The following CCDC144A variants were observed in gnomAD, a reference collection of about 807,000 sequenced individuals.
CCDC144A encodes the protein coiled-coil domain-containing protein 144A.
CCDC144A carries 41 observed loss-of-function variants against 143.8 expected under a neutral mutation model. That is an observed-to-expected ratio of 0.29 (90% CI 0.22 to 0.37). The LOEUF is 0.37. CCDC144A is among the 10% of genes least tolerant of loss of function. The pLI, the probability that CCDC144A is intolerant of heterozygous loss-of-function variation, is 1.00. For missense variants in CCDC144A, 637 were observed against 1,488.8 expected (o/e 0.43, Z 9.41); for synonymous variants, 242 against 517.9 (o/e 0.47, Z 7.23).
chr17:16,689,820 G>C (rs900874561), upstream of CCDC144A: 2 of 152,348 alleles, frequency 1.3e-5, no homozygotes, highest in African/African-American at 2.4e-5. Flanking sequence ...CGTCCTGGCA[G>C]CGCGGACCCT....
rs1183718611 is a variant in CCDC144A at position 16,764,650 on chromosome 17, G to A, written c.4098+475G>A. ...TGTTTATTATTTAAAAGGACCCAAG[G>A]TGAATACTTTTATATGTTATATAAA... On this transcript the variant is annotated intron_variant, in intron 15 of 16. Coordinates refer to ENST00000399273, the MANE Select transcript of CCDC144A (RefSeq NM_001382000.1). 2.6e-5 allele frequency: 5 copies of A among 188,834 alleles called. No homozygotes were observed. In the South Asian group the frequency reaches 4.2e-4, roughly 16 times the overall value. 11.7% of individuals were successfully genotyped at this position (188,834 alleles called of 1,614,324 possible). A position where few individuals can be genotyped will look rare whatever the true frequency, so the allele number is the denominator to read the frequency against.
intron 2 of CCDC144A, among the ~76,000 whole-genome samples, chr17:16,697,392 C>G (rs1911478802): frequency 6.6e-6 from 1 of 152,138 alleles, no homozygotes; most frequent in Non-Finnish European, 1.5e-5. Context: ...ATTTACAAAA[C>G]TATAAGGCAG....
At chr17:16,679,951 G>GT in the CCDC144A span, among the ~76,000 whole-genome samples, 1 of 151,790 alleles carries the variant, frequency 6.6e-6, no homozygotes, top group Non-Finnish European at 1.5e-5. Flanking sequence ...TTTACCTTCT[G>GT]TTATAAAGAA....
chr17:16,747,129 A>G (rs1422943013), intron 12 of CCDC144A, among the ~76,000 whole-genome samples: 3 of 152,028 alleles, frequency 2.0e-5, no homozygotes, highest in Non-Finnish European at 4.4e-5. Flanking sequence ...GTGTATGGAT[A>G]ATCAGTCATC....
At chr17:16,741,135 C>A (rs1914237362) in intron 12 of CCDC144A, among the ~76,000 whole-genome samples, 1 of 151,826 alleles carries the variant, frequency 6.6e-6, no homozygotes, top group Non-Finnish European at 1.5e-5. Context: ...TTGTTGTCTC[C>A]TTGTTTAAAT....
At chr17:16,770,671 CTT>C (rs71269293) in intron 15 of CCDC144A, among the ~76,000 whole-genome samples, 3 of 151,160 alleles carry the variant, frequency 2.0e-5, no homozygotes, top group Non-Finnish European at 2.9e-5. Flanking sequence ...AAGTAAATCT[CTT>C]TTTTTTTTAA....
At chr17:16,711,999 G>T in intron 6 of CCDC144A, 184 bp downstream of exon 6, 1 of 859,388 alleles carries the variant, frequency 1.2e-6, no homozygotes, top group Non-Finnish European at 1.7e-6. Context: ...ATGTAGTGGT[G>T]CATGCCTGTA....
intron 6 of CCDC144A, among the ~76,000 whole-genome samples, chr17:16,718,188 T>C (rs1366743066): frequency 6.6e-6 from 1 of 152,222 alleles, no homozygotes; most frequent in Non-Finnish European, 1.5e-5. Flanking sequence ...GCAGTTTGAA[T>C]AAATAATTGC....
intron 2 of CCDC144A, among the ~76,000 whole-genome samples, chr17:16,704,892 T>A (rs2143095959): frequency 6.6e-6 from 1 of 152,226 alleles, no homozygotes; most frequent in African/African-American, 2.4e-5. Flanking sequence ...AAATATGTAT[T>A]AGAGACTCCT....
the CCDC144A span, among the ~76,000 whole-genome samples, chr17:16,676,050 C>T: frequency 6.6e-6 from 1 of 151,960 alleles, no homozygotes; most frequent in Admixed American, 6.6e-5. Context: ...GCCCGGCCCA[C>T]GCAGGGACTT....
At chr17:16,765,314 A>ACC (rs1205365999) in intron 15 of CCDC144A, 1 of 139,676 alleles carries the variant, frequency 7.2e-6, no homozygotes, top group Non-Finnish European at 1.5e-5. Flanking sequence ...GATCACTTGA[A>ACC]CCCAGGAGTT....
intron 12 of CCDC144A, among the ~76,000 whole-genome samples, chr17:16,751,319 G>A (rs1052756083): frequency 1.3e-5 from 2 of 151,952 alleles, no homozygotes; most frequent in African/African-American, 2.4e-5. Flanking sequence ...TTCCTTCCTT[G>A]TGGCTACTTT....
At chr17:16,757,051 A>T (rs999334690) in intron 12 of CCDC144A, among the ~76,000 whole-genome samples, 4 of 152,262 alleles carry the variant, frequency 2.6e-5, no homozygotes, top group African/African-American at 9.6e-5. Flanking sequence ...GCACCAGGCC[A>T]TGCTTCCCAG....
intron 12 of CCDC144A, among the ~76,000 whole-genome samples, chr17:16,751,577 C>A (rs1597583348): frequency 6.6e-6 from 1 of 152,178 alleles, no homozygotes; most frequent in Non-Finnish European, 1.5e-5. Context: ...TGGTGCCACA[C>A]CTGAATTTTG....
At chr17:16,669,976 T>C in the CCDC144A span, among the ~76,000 whole-genome samples, 513 of 152,010 alleles carry the variant, frequency 3.4e-3, 2 homozygotes, top group Non-Finnish European at 4.6e-3. Context: ...AGATCAGGAG[T>C]TCGAGACCCA....
intron 9 of CCDC144A, chr17:16,731,343 A>G (rs1175693672): frequency 3.8e-5 from 7 of 182,420 alleles, no homozygotes; most frequent in Non-Finnish European, 5.7e-5. Context: ...ACTGTAAATC[A>G]TTTTTATGAC....
At chr17:16,675,648 T>C in the CCDC144A span, among the ~76,000 whole-genome samples, 74 of 152,158 alleles carry the variant, frequency 4.9e-4, no homozygotes, top group Non-Finnish European at 7.4e-4. Flanking sequence ...TATTCGAAAA[T>C]ATTTACTGAT....
the CCDC144A span, among the ~76,000 whole-genome samples, chr17:16,682,278 A>G: frequency 6.6e-6 from 1 of 151,904 alleles, no homozygotes; most frequent in East Asian, 1.9e-4. Context: ...AGAACCAGAC[A>G]GATACAGAGA....
upstream of CCDC144A, among the ~76,000 whole-genome samples, chr17:16,686,725 C>T (rs954398425): frequency 6.7e-6 from 1 of 149,368 alleles, no homozygotes; most frequent in African/African-American, 2.5e-5. Context: ...TCACTGCAAC[C>T]TCTGCCTCTG....
Sources: allele counts gnomAD v4.1 joint callset (sites outside exome capture counted in the v4.1 genomes callset), GRCh38; gene constraint gnomAD v4.1.1; transcripts MANE v1.5; gene names NCBI Gene and HGNC (gene_info 2026-07-23, HGNC 2026-07-21).